DPP10: variants seen among roughly 807,000 people sequenced by gnomAD.
The protein encoded by DPP10 is dipeptidyl peptidase like 10.
A neutral mutation model predicts 120.9 loss-of-function variants in DPP10; 33 were observed. That is an observed-to-expected ratio of 0.27 (90% CI 0.21 to 0.37). The LOEUF (loss-of-function observed/expected upper bound fraction) is 0.37. Ranked by LOEUF, DPP10 falls within the 10% of genes least tolerant of loss-of-function variation. DPP10 has a pLI of 1.00. For synonymous variants in DPP10, 337 were observed against 326.1 expected (o/e 1.03, Z -0.36); for missense variants, 816 against 942.8 (o/e 0.87, Z 1.76).
At chr2:114,726,028 C>T (rs185602717) in intron 1 of DPP10, among the ~76,000 whole-genome samples, 172 of 152,028 alleles carry the variant, frequency 1.1e-3, no homozygotes, top group African/African-American at 3.9e-3. Context: ...GTCAGGAGAT[C>T]GAGACCATCC....
chr2:115,509,326 A>C (rs1290961907), intron 4 of DPP10, among the ~76,000 whole-genome samples: 1 of 152,120 alleles, frequency 6.6e-6, no homozygotes, highest in East Asian at 1.9e-4. Flanking sequence ...CAAAATAAGA[A>C]TGTAGTGGTT....
chr2:115,312,292 A>G (rs2061611735), intron 2 of DPP10, among the ~76,000 whole-genome samples: 1 of 152,148 alleles, frequency 6.6e-6, no homozygotes, highest in African/African-American at 2.4e-5. Context: ...ATGTAAATTG[A>G]TCAAGTGGGC....
intron 1 of DPP10, among the ~76,000 whole-genome samples, chr2:114,801,319 A>G (rs1230914171): frequency 1.3e-5 from 2 of 151,964 alleles, no homozygotes; most frequent in Non-Finnish European, 2.9e-5. Flanking sequence ...GATAGAAGAA[A>G]ATAAAACAAA....
intron 5 of DPP10, among the ~76,000 whole-genome samples, chr2:115,654,477 GAGA>G (rs1164188058): frequency 2.0e-5 from 3 of 151,806 alleles, no homozygotes; most frequent in Non-Finnish European, 2.9e-5. Context: ...TCTTTGAAAA[GAGA>G]AGTGCAAAAT....
chr2:115,659,442 G>A (rs1271150842), intron 5 of DPP10, among the ~76,000 whole-genome samples: 3 of 152,024 alleles, frequency 2.0e-5, no homozygotes, highest in African/African-American at 7.2e-5. Flanking sequence ...TTTCCAGTTG[G>A]TATCAAGATC....
intron 5 of DPP10, among the ~76,000 whole-genome samples, chr2:115,569,655 C>T (rs1487666404): frequency 6.6e-6 from 1 of 152,126 alleles, no homozygotes; most frequent in Admixed American, 6.5e-5. Flanking sequence ...TACATTTTCA[C>T]CTGATAACCT....
chr2:115,087,325 T>A (rs1468416726), intron 1 of DPP10, among the ~76,000 whole-genome samples: 2 of 152,088 alleles, frequency 1.3e-5, no homozygotes, highest in Non-Finnish European at 2.9e-5. Flanking sequence ...TGAAGTCCTT[T>A]AATATTTTCT....
At chr2:115,128,270 T>C (rs2050176306) in intron 1 of DPP10, among the ~76,000 whole-genome samples, 1 of 152,190 alleles carries the variant, frequency 6.6e-6, no homozygotes, top group South Asian at 2.1e-4. Flanking sequence ...TTTATTCTGT[T>C]AAGCCTCTTG....
rs559910458 is a variant in DPP10 at position 115,077,149 on chromosome 2, G to A, written c.61-232090G>A. On this transcript the variant is annotated intron_variant, in intron 1 of 25. Transcript: ENST00000410059. ...TTCCATGCGAGCATTGTATATAGGT[G>A]CAATGGAATGGGCCAAGTGCTATTT... is the stretch of plus-strand genomic sequence containing the variant. Among the ~76,000 whole-genome samples, 68 of 152,216 alleles carry A rather than the reference G, an allele frequency of 4.5e-4. 1 individual carries two copies. The highest frequency in any genetic ancestry group is 1.0e-3 in the African/African-American group (42 of 41,544).
At chr2:114,945,800 G>A (rs1697305012) in intron 1 of DPP10, among the ~76,000 whole-genome samples, 2 of 151,976 alleles carry the variant, frequency 1.3e-5, no homozygotes, top group Non-Finnish European at 2.9e-5. Flanking sequence ...TGGGCAACAC[G>A]AGGGAAACTC....
At chr2:115,456,537 A>G (rs1375658116) in intron 3 of DPP10, among the ~76,000 whole-genome samples, 1 of 152,222 alleles carries the variant, frequency 6.6e-6, no homozygotes, top group Non-Finnish European at 1.5e-5. Context: ...ACTATTCACA[A>G]TAGCAAAGTC....
chr2:115,798,481 C>A (rs114623638), intron 19 of DPP10, among the ~76,000 whole-genome samples: 2,769 of 152,074 alleles, frequency 0.018, 87 homozygotes, highest in African/African-American at 0.061. Flanking sequence ...TATATTCTTT[C>A]CTTTTGACTT....
intron 3 of DPP10, among the ~76,000 whole-genome samples, chr2:115,446,123 G>A (rs899592136): frequency 3.9e-5 from 6 of 152,246 alleles, no homozygotes; most frequent in Non-Finnish European, 5.9e-5. Flanking sequence ...TGTTGCTTCA[G>A]AGGGTGCAAG....
intron 3 of DPP10, among the ~76,000 whole-genome samples, chr2:115,389,752 TACTC>T (rs781193845): frequency 6.6e-6 from 1 of 152,172 alleles, no homozygotes; most frequent in Non-Finnish European, 1.5e-5. Context: ...CTTGAGAACA[TACTC>T]ACAAAAGAGT....
At chr2:114,568,927 T>G (rs1210236615) in intron 1 of DPP10, among the ~76,000 whole-genome samples, 1 of 152,224 alleles carries the variant, frequency 6.6e-6, no homozygotes, top group Non-Finnish European at 1.5e-5. Context: ...AATTTATTAT[T>G]TAATACATAA....
chr2:115,005,097 A>G (rs1305870063), intron 1 of DPP10, among the ~76,000 whole-genome samples: 1 of 151,874 alleles, frequency 6.6e-6, no homozygotes, highest in Non-Finnish European at 1.5e-5. Flanking sequence ...GGCACCCTCC[A>G]GCAGGGGCAC....
rs1398221565 is a variant in DPP10, at chr2:115,068,716, T to A, written c.61-240523T>A. On this transcript the variant is annotated intron_variant, in intron 1 of 25. Coordinates refer to ENST00000410059, the MANE Select transcript of DPP10 (RefSeq NM_020868.6). ...TATAGTTTCAGATGTTACATTGAAG[T>A]CTTTAATCTATTTTGGGTTGATTTA... 8.5e-5 allele frequency among the ~76,000 whole-genome samples: 13 copies of A among 152,298 alleles called. No individual in the cohort carries two copies. The East Asian group carries it at 1.9e-3, about 23-fold the overall frequency.
At chr2:115,573,276 ATTTTTTTTT>A (rs34420249) in intron 5 of DPP10, among the ~76,000 whole-genome samples, 4 of 86,528 alleles carry the variant, frequency 4.6e-5, no homozygotes, top group African/African-American at 1.3e-4. Flanking sequence ...GCTTCCTGGG[ATTTTTTTTT>A]TTTTTTTTTT....
chr2:115,515,228 G>T (rs2077439461), intron 4 of DPP10, among the ~76,000 whole-genome samples: 1 of 151,724 alleles, frequency 6.6e-6, no homozygotes, highest in South Asian at 2.1e-4. Flanking sequence ...TATATATGTA[G>T]GCTAAATATA....
Sources: gnomAD v4.1 joint callset for allele counts (sites outside exome capture counted in the v4.1 genomes callset) on GRCh38, gnomAD v4.1.1 for gene constraint, MANE v1.5 for transcripts, NCBI Gene and HGNC (gene_info 2026-07-23, HGNC 2026-07-21) for gene names.